The following SHROOM1 variants were observed in gnomAD, a reference collection of about 807,000 sequenced individuals.
SHROOM1 encodes shroom family member 1, also known as protein Shroom1.
A neutral mutation model predicts 64.2 loss-of-function variants in SHROOM1; 53 were observed. That is an observed-to-expected ratio of 0.83 (90% confidence interval 0.66 to 1.04). The LOEUF (loss-of-function observed/expected upper bound fraction) is 1.04. Ranked by LOEUF, SHROOM1 falls within the 50% of genes least tolerant of loss-of-function variation. The pLI is 0.00. For synonymous variants in SHROOM1, 490 were observed against 518.9 expected (o/e 0.94, Z 0.76); for missense variants, 1,179 against 1,163.2 (o/e 1.01, Z -0.20).
At position 132,825,484 on chromosome 5, in the gene SHROOM1, C is replaced by T. The variant is rs772727265; in HGVS notation, c.657G>A (p.Arg219=). The change falls in exon 4 of 10, where the codon CGG becomes CGA. Residue 219 remains arginine (R), a synonymous_variant. Coordinates refer to ENST00000378679, the MANE Select transcript of SHROOM1 (RefSeq NM_001172700.2). The surrounding 1 kb of genome is among the most constrained non-coding windows in gnomAD (Gnocchi z 5.1). The stretch of plus-strand genomic sequence containing the variant: ...TTCCTGGCTCTGAGAAGCACCACTT[C>T]CGCTGCTGGTTGGCGAGGGGACCCC... ...AGRGPLANQQ[R]KWCFSEPGKL... 4.6e-6 allele frequency: 7 copies of T among 1,528,692 alleles called. No homozygotes were observed. The East Asian group carries it at 1.4e-4, about 31-fold the overall frequency. 94.7% of individuals were successfully genotyped at this position (1,528,692 alleles called of 1,614,324 possible).
In SHROOM1 at chr5:132,824,499, C is replaced by T. The variant is rs57020248; in HGVS notation, c.1242-80G>A. On this transcript the variant is annotated intron_variant, in intron 6 of 9. Coordinates refer to ENST00000378679, the MANE Select transcript of SHROOM1 (RefSeq NM_001172700.2). ...GGCCTCCAAGGGCCATCTGTCCCTACCCCCATCACCTGGAATCCCAGGCTC... is the reference window on the plus strand; with the variant it reads ...GGCCTCCAAGGGCCATCTGTCCCTATCCCCATCACCTGGAATCCCAGGCTC... 279 of 1,517,702 alleles carry T rather than the reference C, an allele frequency of 1.8e-4. No homozygotes were observed. In the African/African-American group the frequency reaches 3.7e-3, roughly 20 times the overall value. 94.0% of individuals were successfully genotyped at this position (1,517,702 alleles called of 1,614,324 possible).
At position 132,823,407 on chromosome 5, in the gene SHROOM1, A is replaced by C. The variant is rs768785726; in HGVS notation, c.2069T>G (p.Val690Gly). ...CTCCTGAGGGGCACAGGCCTGGCGC[A>C]CTGCAGCCTCCAGAGCCGCTTGGCG... ...ARRQAALEAA[V>G]RQACAPQELE... Residue 690 changes from valine to glycine, a missense_variant, in exon 9 of 10, where the codon GTG (valine) becomes GGG (glycine). By Grantham distance (109) the Val-to-Gly change is moderately radical. Transcript: ENST00000378679. The surrounding 1 kb of genome is among the most constrained non-coding windows in gnomAD (Gnocchi z 4.6). 1 of 1,611,020 alleles carries C rather than the reference A, an allele frequency of 6.2e-7. No individual in the cohort carries two copies.
chr5:132,823,020 G>T lies in SHROOM1; in HGVS notation c.2335C>A (p.Arg779=). 6.2e-7 allele frequency: 1 copy of T among 1,602,422 alleles called. No individual in the cohort carries two copies. The highest frequency in any genetic ancestry group is 8.5e-7 in the Non-Finnish European group (1 of 1,179,476). The change falls in exon 10 of 10, where the codon CGA becomes AGA. Residue 779 remains arginine (R), a synonymous_variant. Coordinates refer to ENST00000378679, the MANE Select transcript of SHROOM1 (RefSeq NM_001172700.2). This position sits in a 1 kb window ranked among gnomAD's most constrained non-coding sequence, Gnocchi z 4.6. Reference sequence around the variant, plus strand: ...CGCAGCTCCTCCACCGGTAGTGCTCGCACCAGCACCTCCCGCACGGCCCGC... The same window carrying T: ...CGCAGCTCCTCCACCGGTAGTGCTCTCACCAGCACCTCCCGCACGGCCCGC... The part of the protein sequence containing the change: ...RERAVREVLV[R]ALPVEELRVY...
Position 132,823,126 on chromosome 5 carries a change from G to C in SHROOM1, c.2229C>G (p.Ala743=). Residue 743 remains alanine, a splice_region_variant and synonymous_variant, in exon 10 of 10, where the codon GCC becomes GCG. Transcript: ENST00000378679. This position sits in a 1 kb window ranked among gnomAD's most constrained non-coding sequence, Gnocchi z 4.6. The part of the protein sequence containing the change: ...AASDSDPDEQ[A]SLLQRLRLLQ... ...GGAGCCGGAGTCGCTGCAGCAGGGA[G>C]GCCTTGAGCCGCAGGAAGAGGCGCC... 2 of 1,555,116 alleles carry C rather than the reference G, an allele frequency of 1.3e-6. No homozygotes were observed. Among genetic ancestry groups the C allele is most frequent in the Non-Finnish European group, 1.7e-6 (2 of 1,158,342 alleles).
rs748594300 is a variant in SHROOM1 at position 132,823,158 on chromosome 5, C to T, written c.2227-30G>A. 7.8e-6 allele frequency: 12 copies of T among 1,541,788 alleles called. No individual in the cohort carries two copies. The highest frequency in any genetic ancestry group is 1.4e-5 in the African/African-American group (1 of 73,286). ...AGCCGCAGGAAGAGGCGCCGTGAGCCGGGTGAGGGCGCCGCCGCTCCCGGA... is the reference window on the plus strand; with the variant it reads ...AGCCGCAGGAAGAGGCGCCGTGAGCTGGGTGAGGGCGCCGCCGCTCCCGGA... On this transcript the variant is annotated intron_variant, in intron 9 of 9. Coordinates refer to ENST00000378679, the MANE Select transcript of SHROOM1 (RefSeq NM_001172700.2). This position sits in a 1 kb window ranked among gnomAD's most constrained non-coding sequence, Gnocchi z 4.6.
Position 132,825,010 on chromosome 5 carries a change from T to A in SHROOM1, c.1034+8A>T, listed in dbSNP as rs1758612445. 6.2e-7 allele frequency: 1 copy of A among 1,613,900 alleles called. No homozygotes were observed. ...CCAACTTGGTCCAGAGTGGTCCGTG[T>A]CTCTCACCTGGAAAGTTTGGTCTGA... On this transcript the variant is annotated splice_region_variant and intron_variant, in intron 5 of 9. Transcript: ENST00000378679. This position sits in a 1 kb window ranked among gnomAD's most constrained non-coding sequence, Gnocchi z 5.1.
rs1554068121 is a variant in SHROOM1 at position 132,823,506 on chromosome 5, C to T, written c.1970G>A (p.Arg657His). 6.9e-6 allele frequency: 11 copies of T among 1,600,806 alleles called. No individual in the cohort carries two copies. The highest frequency in any genetic ancestry group is 8.5e-6 in the Non-Finnish European group (10 of 1,170,054). Residue 657 changes from arginine (R) to histidine (H), a missense_variant, in exon 9 of 10, where the codon CGC (arginine) becomes CAC (histidine). Physicochemically the swap from Arg to His is conservative, Grantham distance 29 (BLOSUM62 0). Transcript: ENST00000378679. The surrounding 1 kb of genome is among the most constrained non-coding windows in gnomAD (Gnocchi z 4.6). ...AAGGTCCTGAAGCATCTTTTGGAGGCGGGCGGCCAGCTCCACCTACAGGGA... is the reference window on the plus strand; with the variant it reads ...AAGGTCCTGAAGCATCTTTTGGAGGTGGGCGGCCAGCTCCACCTACAGGGA... ...IQGKKVELAARLQKMLQDLHT... is the reference protein window; with the variant it reads ...IQGKKVELAAHLQKMLQDLHT...
Position 132,822,949 on chromosome 5 carries a change from C to T in SHROOM1, c.2406G>A (p.Gln802=). ...GGATGCGCTCGTCCAGGTTGCGCTGCTGGGCCAGGACGGCGGCCTTGCCCG... is the reference window on the plus strand; with the variant it reads ...GGATGCGCTCGTCCAGGTTGCGCTGTTGGGCCAGGACGGCGGCCTTGCCCG... The part of the protein sequence containing the change: ...LLAGKAAVLA[Q]QRNLDERIRL... The change falls in exon 10 of 10, where the codon CAG becomes CAA. Residue 802 remains glutamine, a synonymous_variant. Coordinates refer to ENST00000378679, the MANE Select transcript of SHROOM1 (RefSeq NM_001172700.2). 1.9e-6 allele frequency: 3 copies of T among 1,612,102 alleles called. No homozygotes were observed. In the East Asian group the frequency reaches 6.7e-5, roughly 36 times the overall value.
chr5:132,822,244 C>G lies in SHROOM1; in HGVS notation c.*552G>C, dbSNP rs1758464662. 6.6e-6 allele frequency: 1 copy of G among 151,880 alleles called. No individual in the cohort carries two copies. The highest frequency in any genetic ancestry group is 1.5e-5 in the Non-Finnish European group (1 of 68,054). The allele number at this position is 151,880 out of a possible 1,614,324, so 9.4% of individuals were successfully genotyped here. ...AACCAACCCCTGCCAGCCCCACACT[C>G]TCATCACAAAATGGGGGAATACTGC... On this transcript the variant is annotated 3_prime_UTR_variant, in exon 10 of 10. Coordinates refer to ENST00000378679, the MANE Select transcript of SHROOM1 (RefSeq NM_001172700.2).
rs1356764098 is a variant in SHROOM1, at chr5:132,825,908, G to A, written c.233C>T (p.Ala78Val). Residue 78 changes from alanine to valine, a missense_variant, in exon 4 of 10, where the codon GCC (alanine) becomes GTC (valine). Coordinates refer to ENST00000378679, the MANE Select transcript of SHROOM1 (RefSeq NM_001172700.2). The surrounding 1 kb of genome is among the most constrained non-coding windows in gnomAD (Gnocchi z 5.1). ...CCGGGGCCGCGGGGATGTGCAAAGG[G>A]CAGCGTCGGGCGGGGCGGGGCCCGG... Reference protein sequence around the residue: ...GGPGPAPPDAALCTSPRPRPA... With the variant: ...GGPGPAPPDAVLCTSPRPRPA... 3.0e-6 allele frequency: 4 copies of A among 1,354,674 alleles called. No homozygotes were observed. The highest frequency in any genetic ancestry group is 3.8e-6 in the Non-Finnish European group (4 of 1,046,834). 83.9% of individuals were successfully genotyped at this position (1,354,674 alleles called of 1,614,324 possible).
At position 132,826,270 on chromosome 5, in the gene SHROOM1, CACTT is replaced by C. The variant is rs1758699454; in HGVS notation, c.-43+3_-43+6del. On this transcript the variant is annotated splice_donor_5th_base_variant and intron_variant, in intron 3 of 9. Coordinates refer to ENST00000378679, the MANE Select transcript of SHROOM1 (RefSeq NM_001172700.2). ...GGCCCCGCCACCACGGACGGCCAGA[CACTT>C]ACACTTCCCCTCCCTGGTCACACCG... 3.2e-6 allele frequency: 4 copies of C among 1,255,588 alleles called. No homozygotes were observed. The highest frequency in any genetic ancestry group is 4.0e-6 in the Non-Finnish European group (4 of 1,001,616). 77.8% of individuals were successfully genotyped at this position (1,255,588 alleles called of 1,614,324 possible).
At chr5:132,829,571 A>G (rs1271329400) in intron 1 of SHROOM1, 13 of 985,278 alleles carry the variant, frequency 1.3e-5, no homozygotes, top group Non-Finnish European at 1.4e-5. Context: ...ACAGCCTCAA[A>G]TACAACGAAT....
chr5:132,828,317 C>T (rs980241595), intron 1 of SHROOM1, among the ~76,000 whole-genome samples: 1 of 152,212 alleles, frequency 6.6e-6, no homozygotes, highest in African/African-American at 2.4e-5. Context: ...AGGACCAGAA[C>T]ATCTTGATGT....
Position 132,825,034 on chromosome 5 carries a change from G to A in SHROOM1, c.1018C>T (p.Gln340Ter), listed in dbSNP as rs747723707. 6.2e-7 allele frequency: 1 copy of A among 1,614,134 alleles called. No individual in the cohort carries two copies. The highest frequency in any genetic ancestry group is 1.7e-5 in the Admixed American group (1 of 60,028). Reference sequence around the variant, plus strand: ...GTCTCTCACCTGGAAAGTTTGGTCTGAAACAATGGTCTGGGGGTTTCTGCT... The same window carrying A: ...GTCTCTCACCTGGAAAGTTTGGTCTAAAACAATGGTCTGGGGGTTTCTGCT... ...QGAETPRPLF[Q>*]TKLSRFLPQK... Residue 340 changes from glutamine (Q) to a stop codon, truncating the protein, a stop_gained, in exon 5 of 10, where the codon CAG becomes TAG. Transcript: ENST00000378679. LOFTEE classifies it high-confidence loss of function. This position sits in a 1 kb window ranked among gnomAD's most constrained non-coding sequence, Gnocchi z 5.1.
chr5:132,824,138 A>C lies in SHROOM1; in HGVS notation c.1523T>G (p.Leu508Trp). 1 of 1,614,178 alleles carries C rather than the reference A, an allele frequency of 6.2e-7. No homozygotes were observed. Among genetic ancestry groups the C allele is most frequent in the Non-Finnish European group, 8.5e-7 (1 of 1,180,026 alleles). Residue 508 changes from leucine to tryptophan, a missense_variant, in exon 7 of 10, where the codon TTG (leucine) becomes TGG (tryptophan). Leu to Trp is a moderately conservative substitution (Grantham distance 61). Transcript: ENST00000378679. ...DLLKPVPADA[L>W]GLSGNDTPGP... is the part of the protein sequence containing the mutation. ...TGGAGTATCATTGCCTGAAAGTCCC[A>C]AGGCATCAGCTGGGACAGGTTTGAG... is the stretch of plus-strand genomic sequence containing the variant.
In SHROOM1 at chr5:132,822,277, A is replaced by G; in HGVS notation, c.*519T>C. ...AAAATGGGGGAATACTGCAGTTTTT[A>G]AGATCCATAAATTAATTACCAAATA... On this transcript the variant is annotated 3_prime_UTR_variant, in exon 10 of 10. Coordinates refer to ENST00000378679, the MANE Select transcript of SHROOM1 (RefSeq NM_001172700.2). The G allele has an allele frequency of 6.6e-6, 1 of 151,246 alleles. No homozygotes were observed. 9.4% of individuals were successfully genotyped at this position (151,246 alleles called of 1,614,324 possible).
chr5:132,825,632 C>A lies in SHROOM1; in HGVS notation c.509G>T (p.Arg170Leu). Residue 170 changes from arginine to leucine, a missense_variant, in exon 4 of 10, where the codon CGT (arginine) becomes CTT (leucine). Arg to Leu is a moderately radical substitution (Grantham distance 102, BLOSUM62 -2). Coordinates refer to ENST00000378679, the MANE Select transcript of SHROOM1 (RefSeq NM_001172700.2). The surrounding 1 kb of genome is among the most constrained non-coding windows in gnomAD (Gnocchi z 5.1). ...RKELRMSLPA[R>L]LRPTVPARPP... The stretch of plus-strand genomic sequence containing the variant: ...CCGCGCTGGGACAGTGGGCCGCAGA[C>A]GGGCGGGCAGGCTCATGCGGAGCTC... 7.4e-7 allele frequency: 1 copy of A among 1,344,836 alleles called. No individual in the cohort carries two copies. Among genetic ancestry groups the A allele is most frequent in the South Asian group, 1.9e-5 (1 of 52,538 alleles). 83.3% of individuals were successfully genotyped at this position (1,344,836 alleles called of 1,614,324 possible). A position where few individuals can be genotyped will look rare whatever the true frequency, so the allele number is the denominator to read the frequency against.
At position 132,822,886 on chromosome 5, in the gene SHROOM1, G is replaced by A; in HGVS notation, c.2469C>T (p.Asp823=). Residue 823 remains aspartate, a synonymous_variant, in exon 10 of 10, where the codon GAC becomes GAT. Transcript: ENST00000378679. ...TGGGAGACGGGGCATGATGGCCAAG[G>A]TCGTCCCTGATGGCGTCCAGTTGGT... ...LQDQLDAIRD[D]LGHHAPSPSP... is the part of the protein sequence containing the mutation. 2 of 1,613,626 alleles carry A rather than the reference G, an allele frequency of 1.2e-6. No homozygotes were observed. The highest frequency in any genetic ancestry group is 8.5e-7 in the Non-Finnish European group (1 of 1,180,012).
Position 132,826,055 on chromosome 5 carries a change from G to A in SHROOM1, c.86C>T (p.Ala29Val). 2.0e-6 allele frequency: 3 copies of A among 1,495,216 alleles called. No individual in the cohort carries two copies. The highest frequency in any genetic ancestry group is 2.7e-6 in the Non-Finnish European group (3 of 1,125,040). 92.6% of individuals were successfully genotyped at this position (1,495,216 alleles called of 1,614,324 possible). The change falls in exon 4 of 10, where the codon GCG (alanine) becomes GTG (valine). Residue 29 changes from alanine (A) to valine (V), a missense_variant. Transcript: ENST00000378679. Reference sequence around the variant, plus strand: ...GGAGAAAGAGCTGTAGGCCGAGTCCGCGCGCATGGACAGATGCCACAGGTC... The same window carrying A: ...GGAGAAAGAGCTGTAGGCCGAGTCCACGCGCATGGACAGATGCCACAGGTC... Reference protein sequence around the residue: ...SLDLWHLSMRADSAYSSFSAA... With the variant: ...SLDLWHLSMRVDSAYSSFSAA...
Sources: allele counts gnomAD v4.1 joint callset (sites outside exome capture counted in the v4.1 genomes callset), GRCh38; gene constraint gnomAD v4.1.1; non-coding constraint Gnocchi (gnomAD v3.1); transcripts MANE v1.5; gene names NCBI Gene and HGNC (gene_info 2026-07-23, HGNC 2026-07-21).